The following KCNH8 variants were observed in gnomAD, a reference collection of about 807,000 sequenced individuals.
The protein encoded by KCNH8 is potassium voltage-gated channel subfamily H member 8.
Under a neutral mutation model 103.6 loss-of-function variants are expected in KCNH8, and 70 were observed. The ratio of observed to expected loss-of-function variants is 0.68; its 90% CI spans 0.56 to 0.82. The LOEUF is 0.82. KCNH8 is among the 40% of genes least tolerant of loss of function. The pLI is 0.00. For missense variants in KCNH8, 1,217 were observed against 1,329.9 expected (o/e 0.92, Z 1.32); for synonymous variants, 498 against 489.4 (o/e 1.02, Z -0.23).
intron 2 of KCNH8, among the ~76,000 whole-genome samples, chr3:19,254,106 T>C (rs1159097839): frequency 6.6e-6 from 1 of 152,108 alleles, no homozygotes; most frequent in African/African-American, 2.4e-5. Flanking sequence ...CTATTCAATG[T>C]CAATGAATAG....
chr3:19,161,220 T>C (rs1253739738), intron 1 of KCNH8, among the ~76,000 whole-genome samples: 1 of 152,154 alleles, frequency 6.6e-6, no homozygotes, highest in African/African-American at 2.4e-5. Context: ...CATGTTCCAA[T>C]TGAGGGCAAT....
chr3:19,339,688 T>C (rs2065631972), intron 3 of KCNH8, among the ~76,000 whole-genome samples: 1 of 152,128 alleles, frequency 6.6e-6, no homozygotes, highest in Non-Finnish European at 1.5e-5. Context: ...TCAATATTCT[T>C]TCAAGTATGT....
chr3:19,383,625 G>C (rs534584928), intron 5 of KCNH8, among the ~76,000 whole-genome samples: 2 of 152,124 alleles, frequency 1.3e-5, no homozygotes, highest in Non-Finnish European at 2.9e-5. Flanking sequence ...CACCCGCCTT[G>C]GCCTCTTAAA....
At chr3:19,282,470 G>A (rs1264081880) in intron 3 of KCNH8, among the ~76,000 whole-genome samples, 6 of 152,096 alleles carry the variant, frequency 3.9e-5, no homozygotes, top group Admixed American at 3.9e-4. Flanking sequence ...CAAAAGGTAA[G>A]GATCCTTTGA....
intron 3 of KCNH8, among the ~76,000 whole-genome samples, chr3:19,282,460 C>A (rs1575493099): frequency 6.6e-6 from 1 of 152,148 alleles, no homozygotes. Flanking sequence ...GATAGAAACA[C>A]AAAAGGTAAG....
chr3:19,395,319 C>A lies in KCNH8; in HGVS notation c.1177+8C>A. ...TTCTGAAGTGGGAAGTTGGTAAGGGCTTACATTTGTCACATTTTCCATTTT... is the reference window on the plus strand; with the variant it reads ...TTCTGAAGTGGGAAGTTGGTAAGGGATTACATTTGTCACATTTTCCATTTT... On this transcript the variant is annotated splice_region_variant and intron_variant, in intron 7 of 15. Coordinates refer to ENST00000328405, the MANE Select transcript of KCNH8 (RefSeq NM_144633.3). 3 of 1,588,446 alleles carry A rather than the reference C, an allele frequency of 1.9e-6. No individual in the cohort carries two copies. The highest frequency in any genetic ancestry group is 2.6e-6 in the Non-Finnish European group (3 of 1,162,274).
intron 2 of KCNH8, among the ~76,000 whole-genome samples, chr3:19,254,945 G>C (rs760176880): frequency 6.6e-6 from 1 of 152,076 alleles, no homozygotes; most frequent in South Asian, 2.1e-4. Context: ...TTCCCATGGT[G>C]TGGACAGAAC....
chr3:19,318,672 CA>C (rs2065309622), intron 3 of KCNH8, among the ~76,000 whole-genome samples: 3 of 149,004 alleles, frequency 2.0e-5, no homozygotes, highest in African/African-American at 7.4e-5. Context: ...TACACACACA[CA>C]CACACACACA....
At chr3:19,389,699 C>T (rs1399843777) in intron 5 of KCNH8, among the ~76,000 whole-genome samples, 1 of 152,072 alleles carries the variant, frequency 6.6e-6, no homozygotes, top group Non-Finnish European at 1.5e-5. Flanking sequence ...GCAATCATGG[C>T]TCACTGAAGC....
intron 1 of KCNH8, among the ~76,000 whole-genome samples, chr3:19,155,843 T>G (rs1396569968): frequency 6.6e-6 from 1 of 152,206 alleles, no homozygotes; most frequent in Non-Finnish European, 1.5e-5. Flanking sequence ...TGTGCTATAA[T>G]TATATGCTTT....
At chr3:19,256,997 C>T (rs775200733) in intron 2 of KCNH8, among the ~76,000 whole-genome samples, 41 of 152,178 alleles carry the variant, frequency 2.7e-4, no homozygotes, top group Non-Finnish European at 4.0e-4. Context: ...CAGTGCCTGA[C>T]GCCTGGGGTC....
At chr3:19,438,121 T>G (rs746232349) in intron 7 of KCNH8, 43 bp from the exon 8 acceptor site, 1 of 1,502,676 alleles carries the variant, frequency 6.7e-7, no homozygotes, top group Admixed American at 1.7e-5. Context: ...ATACTGAGAC[T>G]TTACTTTTTC....
At chr3:19,255,389 A>G (rs1030097706) in intron 2 of KCNH8, among the ~76,000 whole-genome samples, 3 of 152,186 alleles carry the variant, frequency 2.0e-5, no homozygotes, top group Non-Finnish European at 4.4e-5. Context: ...TTTTCTAGAT[A>G]TAAGATCATG....
Position 19,277,393 on chromosome 3 carries a change from A to G in KCNH8, c.311-3805A>G, listed in dbSNP as rs542340537. 3.9e-5 allele frequency among the ~76,000 whole-genome samples: 6 copies of G among 152,138 alleles called. No individual in the cohort carries two copies. In the East Asian group the frequency reaches 9.7e-4, roughly 25 times the overall value. On this transcript the variant is annotated intron_variant, in intron 2 of 15. Coordinates refer to ENST00000328405, the MANE Select transcript of KCNH8 (RefSeq NM_144633.3). ...GCGTGGGAAACATAGGGAGATCCCC[A>G]TCTCTACAGAAAAATTTAAAACTAG... is the stretch of plus-strand genomic sequence containing the variant.
chr3:19,360,231 G>T (rs1409047827), intron 5 of KCNH8, among the ~76,000 whole-genome samples: 1 of 152,018 alleles, frequency 6.6e-6, no homozygotes, highest in African/African-American at 2.4e-5. Context: ...TGTGCAAAAG[G>T]TTTGCTGGGT....
At chr3:19,390,903 C>T (rs1448611224) in intron 6 of KCNH8, among the ~76,000 whole-genome samples, 2 of 152,082 alleles carry the variant, frequency 1.3e-5, no homozygotes, top group South Asian at 2.1e-4. Context: ...TACTGACCCA[C>T]TAAACAAATT....
At chr3:19,397,027 A>G (rs1282807177) in intron 7 of KCNH8, among the ~76,000 whole-genome samples, 1 of 151,998 alleles carries the variant, frequency 6.6e-6, no homozygotes, top group Non-Finnish European at 1.5e-5. Context: ...ATTTAGTTAT[A>G]TGAACAAAGC....
At chr3:19,489,373 G>A (rs2125222581) in intron 11 of KCNH8, among the ~76,000 whole-genome samples, 1 of 152,232 alleles carries the variant, frequency 6.6e-6, no homozygotes, top group East Asian at 1.9e-4. Context: ...TAGTACTGCT[G>A]CTGCCTGTCC....
chr3:19,474,623 G>A (rs1008857586), intron 11 of KCNH8, among the ~76,000 whole-genome samples: 1 of 152,152 alleles, frequency 6.6e-6, no homozygotes, highest in Non-Finnish European at 1.5e-5. Context: ...GATTCAAAGG[G>A]TTTGGTTTCC....
Sources: allele counts gnomAD v4.1 joint callset (sites outside exome capture counted in the v4.1 genomes callset), GRCh38; gene constraint gnomAD v4.1.1; transcripts MANE v1.5; gene names NCBI Gene and HGNC (gene_info 2026-07-23, HGNC 2026-07-21).